Variants in PCDH9 observed in about 807,000 individuals in gnomAD.
The protein encoded by PCDH9 is protocadherin 9.
PCDH9 carries 24 observed loss-of-function variants against 70.6 expected under a neutral mutation model. The ratio of observed to expected loss-of-function variants is 0.34; its 90% CI spans 0.25 to 0.48. PCDH9 has a LOEUF of 0.48. Ranked by LOEUF, PCDH9 falls within the 20% of genes least tolerant of loss-of-function variation. The probability of loss-of-function intolerance (pLI) is 0.99; values close to 1 mark genes in which losing one functional copy is unlikely to be tolerated. For missense variants in PCDH9, 1,281 were observed against 1,503.6 expected (o/e 0.85, Z 2.45); for synonymous variants, 562 against 558.5 (o/e 1.01, Z -0.09).
At chr13:66,660,472 A>G (rs1387852204) in intron 3 of PCDH9, among the ~76,000 whole-genome samples, 2 of 152,160 alleles carry the variant, frequency 1.3e-5, no homozygotes, top group Non-Finnish European at 2.9e-5. Context: ...TGACCAATCT[A>G]CTCATATATC....
chr13:66,798,586 T>C (rs1187799388), intron 3 of PCDH9, among the ~76,000 whole-genome samples: 1 of 152,126 alleles, frequency 6.6e-6, no homozygotes, highest in East Asian at 1.9e-4. Flanking sequence ...TGGAGGAAAG[T>C]TTTGCCTAAC....
In PCDH9 at chr13:66,876,487, A is replaced by G. The variant is rs1225061049; in HGVS notation, c.3138+27017T>C. ...AAAATACATATCTCTGCTCTTCAAC[A>G]TGCCAAAAAGACCAATGGAACTTAT... On this transcript the variant is annotated intron_variant, in intron 3 of 4. Transcript: ENST00000377865. 1.3e-5 allele frequency among the ~76,000 whole-genome samples: 2 copies of G among 152,166 alleles called. 1 individual carries two copies. Among genetic ancestry groups the G allele is most frequent in the Admixed American group, 1.3e-4 (2 of 15,270 alleles).
chr13:66,641,650 CA>C (rs2077710792), intron 3 of PCDH9, among the ~76,000 whole-genome samples: 1 of 151,918 alleles, frequency 6.6e-6, no homozygotes, highest in Non-Finnish European at 1.5e-5. Flanking sequence ...ATAGAACACA[CA>C]AAAAAGCATC....
chr13:66,398,368 A>G (rs1032945587), intron 4 of PCDH9, among the ~76,000 whole-genome samples: 2 of 152,154 alleles, frequency 1.3e-5, no homozygotes, highest in African/African-American at 4.8e-5. Flanking sequence ...TTTTGTATAT[A>G]ATATGCTGTT....
intron 4 of PCDH9, among the ~76,000 whole-genome samples, chr13:66,608,873 G>C (rs2077255053): frequency 6.6e-6 from 1 of 152,172 alleles, no homozygotes; most frequent in South Asian, 2.1e-4. Flanking sequence ...AAATGTATTT[G>C]TTAGTGCAGA....
chr13:67,145,227 G>C (rs1437265494), intron 2 of PCDH9, among the ~76,000 whole-genome samples: 1 of 152,008 alleles, frequency 6.6e-6, no homozygotes, highest in Non-Finnish European at 1.5e-5. Context: ...GTCTTTGTAT[G>C]ACTGTCTAAA....
At chr13:66,812,331 C>G (rs1373741690) in intron 3 of PCDH9, among the ~76,000 whole-genome samples, 1 of 151,966 alleles carries the variant, frequency 6.6e-6, no homozygotes, top group Non-Finnish European at 1.5e-5. Flanking sequence ...CTAAACTAGA[C>G]AGCTAAGGAA....
At chr13:66,426,996 C>T (rs1957682485) in intron 4 of PCDH9, among the ~76,000 whole-genome samples, 1 of 151,402 alleles carries the variant, frequency 6.6e-6, no homozygotes, top group African/African-American at 2.4e-5. Flanking sequence ...CATGATTTTG[C>T]TGACATATGA....
intron 4 of PCDH9, among the ~76,000 whole-genome samples, chr13:66,562,102 C>T (rs1962074367): frequency 6.6e-6 from 1 of 152,122 alleles, no homozygotes; most frequent in South Asian, 2.1e-4. Flanking sequence ...CTGTAACACT[C>T]ACCGCAAGGG....
intron 2 of PCDH9, among the ~76,000 whole-genome samples, chr13:67,173,973 C>T (rs2088369158): frequency 1.3e-5 from 2 of 151,846 alleles, no homozygotes; most frequent in South Asian, 2.1e-4. Flanking sequence ...GAAGAGGGGT[C>T]AAAAAACATA....
intron 2 of PCDH9, chr13:67,203,668 A>G (rs1261416600): frequency 6.6e-6 from 1 of 152,146 alleles, no homozygotes; most frequent in East Asian, 1.9e-4. Flanking sequence ...AATTAAAGAA[A>G]AGAAGTCTAC....
At chr13:67,052,668 T>C (rs2085344514) in intron 2 of PCDH9, among the ~76,000 whole-genome samples, 1 of 151,534 alleles carries the variant, frequency 6.6e-6, no homozygotes, top group African/African-American at 2.4e-5. Flanking sequence ...CTGGTAGAGG[T>C]AGGGAGTGAA....
intron 4 of PCDH9, among the ~76,000 whole-genome samples, chr13:66,402,281 A>G (rs561297224): frequency 1.3e-3 from 198 of 152,234 alleles, no homozygotes; most frequent in African/African-American, 4.5e-3. Flanking sequence ...CCAATTCTGA[A>G]ACTGAGTATT....
At chr13:66,535,004 T>C (rs1162198413) in intron 4 of PCDH9, among the ~76,000 whole-genome samples, 1 of 152,108 alleles carries the variant, frequency 6.6e-6, no homozygotes, top group African/African-American at 2.4e-5. Context: ...AAGTACTAAA[T>C]GGCTCTGTAA....
intron 4 of PCDH9, among the ~76,000 whole-genome samples, chr13:66,372,558 A>G (rs554111486): frequency 2.0e-5 from 3 of 151,580 alleles, no homozygotes; most frequent in South Asian, 2.1e-4. Context: ...TTGATCGCAT[A>G]GTAGCCAATG....
chr13:67,225,345 A>C, intron 2 of PCDH9, 60 bp downstream of exon 2: 2 of 1,523,502 alleles, frequency 1.3e-6, no homozygotes, highest in Middle Eastern at 4.2e-4. Flanking sequence ...TGGCACGTTA[A>C]TACTGGTTGA....
chr13:66,840,960 T>C (rs1261648198), intron 3 of PCDH9, among the ~76,000 whole-genome samples: 2 of 152,198 alleles, frequency 1.3e-5, no homozygotes, highest in Non-Finnish European at 2.9e-5. Context: ...GGATGCTCTG[T>C]TTTGTAGAAG....
chr13:66,544,744 A>C (rs1232381715), intron 4 of PCDH9, among the ~76,000 whole-genome samples: 1 of 152,154 alleles, frequency 6.6e-6, no homozygotes, highest in Non-Finnish European at 1.5e-5. Context: ...AAGGGGCAGT[A>C]ATTTCCAGGT....
intron 3 of PCDH9, among the ~76,000 whole-genome samples, chr13:66,773,328 T>A (rs1419230250): frequency 6.6e-6 from 1 of 152,180 alleles, no homozygotes; most frequent in Non-Finnish European, 1.5e-5. Context: ...AGAATTGAAC[T>A]TTAAAATTTA....
Sources: gnomAD v4.1 joint callset for allele counts (sites outside exome capture counted in the v4.1 genomes callset) on GRCh38, gnomAD v4.1.1 for gene constraint, MANE v1.5 for transcripts, NCBI Gene and HGNC (gene_info 2026-07-23, HGNC 2026-07-21) for gene names.